PCNX2: variants seen among roughly 807,000 people sequenced by gnomAD.
PCNX2 encodes the protein pecanex-like protein 2.
In PCNX2, 168 loss-of-function variants were observed where a neutral mutation model predicts 223.8. The observed-to-expected ratio is 0.75, with a 90% CI of 0.66 to 0.85. The LOEUF (loss-of-function observed/expected upper bound fraction) is 0.85, where lower values mean the gene tolerates loss of function less well. Among genes scored for constraint, PCNX2 ranks in the 40% least tolerant of loss-of-function variants. The probability of loss-of-function intolerance (pLI) is 0.00; values close to 1 mark genes in which losing one functional copy is unlikely to be tolerated. For missense variants in PCNX2, 2,507 were observed against 2,675.5 expected (o/e 0.94, Z 1.39); for synonymous variants, 1,006 against 1,052.6 (o/e 0.96, Z 0.86).
chr1:233,026,712 C>G (rs1671091806), intron 25 of PCNX2, among the ~76,000 whole-genome samples: 1 of 152,184 alleles, frequency 6.6e-6, no homozygotes, highest in Admixed American at 6.5e-5. Context: ...GCTAAGGTTT[C>G]TGTCCTGAGC....
intron 23 of PCNX2, among the ~76,000 whole-genome samples, chr1:233,089,510 C>T (rs1386028279): frequency 6.6e-6 from 1 of 152,212 alleles, no homozygotes; most frequent in Non-Finnish European, 1.5e-5. Flanking sequence ...CTTCATCAAT[C>T]ACCAATTGCT....
chr1:232,993,174 G>A (rs1016915861), intron 32 of PCNX2, among the ~76,000 whole-genome samples: 2 of 152,194 alleles, frequency 1.3e-5, no homozygotes, highest in Non-Finnish European at 2.9e-5. Context: ...TGAAAGTTTG[G>A]AACTTCCTAG....
chr1:233,089,687 G>A (rs188851812), intron 23 of PCNX2, among the ~76,000 whole-genome samples: 2 of 152,284 alleles, frequency 1.3e-5, no homozygotes, highest in East Asian at 3.9e-4. Flanking sequence ...GCTCACAGAA[G>A]GGATGCTACA....
rs1657079256 is a variant in PCNX2 at position 233,217,924 on chromosome 1, TG to T, written c.2665del (p.Gln889SerfsTer15). Reference protein sequence around the residue: ...SCQYSLLKSVQPDPASPIHGH... With the variant: ...SCQYSLLKSVXPDPASPIHGH... ...GTGTATTGGTGAGGCGGGGTCAGGC[TG>T]AACACTCTAAAACACAAATCAGAAG... On this transcript the variant is annotated frameshift_variant, in exon 12 of 34. Coordinates refer to ENST00000258229, the MANE Select transcript of PCNX2 (RefSeq NM_014801.4). LOFTEE classifies it high-confidence loss of function. 3.1e-6 allele frequency: 5 copies of T among 1,613,806 alleles called. No homozygotes were observed. Among genetic ancestry groups the T allele is most frequent in the African/African-American group, 1.3e-5 (1 of 74,910 alleles).
At chr1:233,306,102 T>C in the PCNX2 span, among the ~76,000 whole-genome samples, 2 of 152,302 alleles carry the variant, frequency 1.3e-5, no homozygotes, top group African/African-American at 4.8e-5. Flanking sequence ...CAGCTATTAT[T>C]ATTTATTTGT....
intron 25 of PCNX2, among the ~76,000 whole-genome samples, chr1:233,044,143 T>C (rs1009181417): frequency 6.6e-5 from 10 of 152,220 alleles, no homozygotes; most frequent in African/African-American, 2.4e-4. Flanking sequence ...TTGATTTGCA[T>C]TTCTCTGATG....
At chr1:233,278,923 T>C (rs1249777325) in intron 1 of PCNX2, among the ~76,000 whole-genome samples, 4 of 152,200 alleles carry the variant, frequency 2.6e-5, no homozygotes, top group Non-Finnish European at 4.4e-5. Context: ...AAATTGAACA[T>C]ACTTGGCCAG....
At chr1:233,202,289 G>T in intron 13 of PCNX2, 3 of 410,062 alleles carry the variant, frequency 7.3e-6, no homozygotes, top group Non-Finnish European at 1.0e-5. Flanking sequence ...CCACTGAGTG[G>T]GCCTATAATT....
At chr1:233,185,017 T>C (rs1441069832) in intron 15 of PCNX2, among the ~76,000 whole-genome samples, 1 of 151,524 alleles carries the variant, frequency 6.6e-6, no homozygotes, top group Non-Finnish European at 1.5e-5. Flanking sequence ...GGCTCTCTCC[T>C]GGAAACACCC....
At chr1:233,130,735 G>A (rs947055931) in intron 21 of PCNX2, among the ~76,000 whole-genome samples, 3 of 151,432 alleles carry the variant, frequency 2.0e-5, no homozygotes, top group Non-Finnish European at 4.4e-5. Context: ...CGCTTGCCTC[G>A]GCCTCCCAAA....
At chr1:232,989,533 C>G (rs1290283315) in intron 32 of PCNX2, among the ~76,000 whole-genome samples, 3 of 152,156 alleles carry the variant, frequency 2.0e-5, no homozygotes, top group African/African-American at 7.2e-5. Flanking sequence ...AGGTCCTCCA[C>G]TCTGAGAGGC....
intron 21 of PCNX2, chr1:233,125,793 C>T (rs1328856900): frequency 1.3e-5 from 2 of 152,192 alleles, no homozygotes; most frequent in African/African-American, 4.8e-5. Flanking sequence ...CAATTACCAC[C>T]ACGTAGAGAC....
In PCNX2 at chr1:233,126,562, AT is replaced by A. The variant is rs1676112529; in HGVS notation, c.3837+8450del. Among the ~76,000 whole-genome samples the A allele has an allele frequency of 6.6e-6, 1 of 151,612 alleles. No individual in the cohort carries two copies. The highest frequency in any genetic ancestry group is 1.5e-5 in the Non-Finnish European group (1 of 67,910). On this transcript the variant is annotated intron_variant, in intron 21 of 33. Transcript: ENST00000258229. The surrounding 1 kb of genome is among the most constrained non-coding windows in gnomAD (Gnocchi z 4.8). ...GTAAATATACCAGAGGACTGGGAGG[AT>A]TTATTCCAAAATACTTACAATAGTT...
intron 17 of PCNX2, among the ~76,000 whole-genome samples, chr1:233,166,139 T>C (rs921970745): frequency 1.3e-5 from 2 of 152,050 alleles, no homozygotes; most frequent in African/African-American, 2.4e-5. Context: ...AGGATAATCT[T>C]TTCTATGAAA....
chr1:233,272,302 A>G (rs904016748), intron 1 of PCNX2, among the ~76,000 whole-genome samples: 27 of 152,026 alleles, frequency 1.8e-4, no homozygotes, highest in South Asian at 8.3e-4. Flanking sequence ...AAGAAAAAAA[A>G]AAAAACGATC....
At chr1:233,015,465 G>A (rs1339987767) in intron 27 of PCNX2, among the ~76,000 whole-genome samples, 3 of 152,108 alleles carry the variant, frequency 2.0e-5, no homozygotes, top group East Asian at 1.9e-4. Flanking sequence ...TTGGGAGGCC[G>A]AGGCGGACAG....
intron 16 of PCNX2, among the ~76,000 whole-genome samples, chr1:233,178,529 C>A (rs1466445529): frequency 6.6e-6 from 1 of 152,206 alleles, no homozygotes; most frequent in Non-Finnish European, 1.5e-5. Context: ...CATTACTAAG[C>A]ATTACATTAA....
In PCNX2 at chr1:232,984,514, C is replaced by CAA. The variant is rs752122444; in HGVS notation, c.6241-39_6241-38dup. 5.0e-6 allele frequency: 8 copies of CAA among 1,592,852 alleles called. No individual in the cohort carries two copies. In the East Asian group the frequency reaches 1.6e-4, roughly 31 times the overall value. On this transcript the variant is annotated intron_variant, in intron 33 of 33. Coordinates refer to ENST00000258229, the MANE Select transcript of PCNX2 (RefSeq NM_014801.4). ...AAGAGAGAAACAGTGAACAGCTCAG[C>CAA]AAACGTTCACTACCCACTTCTAACT...
chr1:233,292,019 A>C, intron 1 of PCNX2: 3 of 976,570 alleles, frequency 3.1e-6, no homozygotes, highest in Non-Finnish European at 3.7e-6. Flanking sequence ...TCACAAATAT[A>C]TACATAGTTT....
Sources: gnomAD v4.1 joint callset for allele counts (sites outside exome capture counted in the v4.1 genomes callset) on GRCh38, gnomAD v4.1.1 for gene constraint, Gnocchi (gnomAD v3.1) non-coding constraint, MANE v1.5 for transcripts, NCBI Gene and HGNC (gene_info 2026-07-23, HGNC 2026-07-21) for gene names.